Variants in GUCY2F observed in about 807,000 individuals in gnomAD.
GUCY2F encodes guanylate cyclase 2F, retinal, also known as retinal guanylyl cyclase 2.
In GUCY2F, 61 loss-of-function variants were observed where a neutral mutation model predicts 73.1. The observed-to-expected ratio is 0.83, with a 90% CI of 0.68 to 1.03. The LOEUF is 1.03. Among genes scored for constraint, GUCY2F ranks in the 50% least tolerant of loss-of-function variants. GUCY2F has a pLI of 0.00. For missense variants in GUCY2F, 912 were observed against 854.3 expected (o/e 1.07, Z -0.84); for synonymous variants, 331 against 307.8 (o/e 1.08, Z -0.79).
intron 3 of GUCY2F, 23 bp from the exon 4 acceptor site, chrX:109,453,882 T>A (rs778868820): frequency 2.1e-6 from 2 of 947,314 alleles, no homozygotes; most frequent in Non-Finnish European, 2.9e-6. Flanking sequence ...ATTACAATTA[T>A]CTTGAGCCCT....
At position 109,390,563 on chromosome X, in the gene GUCY2F, C is replaced by T. The variant is rs770840310; in HGVS notation, c.2781+1348G>A. Among the ~76,000 whole-genome samples the T allele has an allele frequency of 7.1e-5, 8 of 112,475 alleles. No individual in the cohort carries two copies. The South Asian group carries it at 2.6e-3, about 37-fold the overall frequency. ...AGAACAGCCCATTAACTCCCTACTG[C>T]AACCATTAAGTACCAAAATATCTAA... On this transcript the variant is annotated intron_variant, in intron 14 of 19. Transcript: ENST00000218006.
At chrX:109,386,892 C>T (rs1930449307) in intron 15 of GUCY2F, among the ~76,000 whole-genome samples, 1 of 111,497 alleles carries the variant, frequency 9.0e-6, no homozygotes, top group South Asian at 3.8e-4. Context: ...AAGAGGTATG[C>T]TGAGGGGGGT....
At chrX:109,451,789 GATCT>G (rs1932139622) in intron 5 of GUCY2F, among the ~76,000 whole-genome samples, 1 of 111,376 alleles carries the variant, frequency 9.0e-6, no homozygotes, top group Non-Finnish European at 1.9e-5. Context: ...TTGAGAGCCA[GATCT>G]ATTCACAGGC....
At chrX:109,394,897 C>A (rs989035144) in intron 12 of GUCY2F, among the ~76,000 whole-genome samples, 48 of 112,245 alleles carry the variant, frequency 4.3e-4, no homozygotes, top group Non-Finnish European at 7.3e-4. Context: ...TTTTTCCTGA[C>A]CTTCCAAAAA....
chrX:109,463,433 CTTTTTTTTTT>C (rs755756631), intron 3 of GUCY2F, among the ~76,000 whole-genome samples: 2 of 83,987 alleles, frequency 2.4e-5, no homozygotes, highest in East Asian at 3.5e-4. Context: ...TTTCCTCACT[CTTTTTTTTTT>C]TTTTTTTTTT....
Position 109,409,143 on chromosome X carries a change from A to C in GUCY2F, c.1817T>G (p.Ile606Ser). ...ATAGAAGAAACCCAATAAAGGGTTA[A>C]TATTCTCATGACGCAAGTCCTTCAT... ...EMMKDLRHEN[I>S]NPLLGFFYDS... The change falls in exon 9 of 20, where the codon ATT becomes AGT. Residue 606 changes from isoleucine (I) to serine (S), a missense_variant. By Grantham distance (142) the Ile-to-Ser change is moderately radical. Transcript: ENST00000218006. 8.9e-7 allele frequency: 1 copy of C among 1,124,218 alleles called. No individual in the cohort carries two copies. Among genetic ancestry groups the C allele is most frequent in the Non-Finnish European group, 1.2e-6 (1 of 816,681 alleles). 92.6% of individuals were successfully genotyped at this position (1,124,218 alleles called of 1,213,427 possible). A position where few individuals can be genotyped will look rare whatever the true frequency, so the allele number is the denominator to read the frequency against.
At chrX:109,393,122 G>T in intron 12 of GUCY2F, 67 bp from the exon 13 acceptor site, 1 of 595,290 alleles carries the variant, frequency 1.7e-6, no homozygotes. Flanking sequence ...GATGGAGCAG[G>T]TCCCCTTATC....
intron 3 of GUCY2F, among the ~76,000 whole-genome samples, chrX:109,456,732 G>A (rs1932267730): frequency 8.9e-6 from 1 of 111,743 alleles, no homozygotes; most frequent in Non-Finnish European, 1.9e-5. Context: ...AAGAGGGGCT[G>A]TCACGATGGT....
At chrX:109,398,732 A>G in intron 10 of GUCY2F, 34 bp from the exon 11 acceptor site, 2 of 1,169,272 alleles carry the variant, frequency 1.7e-6, no homozygotes, top group Non-Finnish European at 2.3e-6. Context: ...GAATGCAGGG[A>G]GGATTAACTG....
chrX:109,408,253 G>A (rs1350145430), intron 9 of GUCY2F, among the ~76,000 whole-genome samples: 1 of 112,130 alleles, frequency 8.9e-6, no homozygotes, highest in Non-Finnish European at 1.9e-5. Flanking sequence ...GGACTTGCAT[G>A]GGCCCTGTAA....
intron 8 of GUCY2F, among the ~76,000 whole-genome samples, chrX:109,417,235 C>A (rs992695369): frequency 7.2e-5 from 8 of 110,943 alleles, no homozygotes; most frequent in Non-Finnish European, 1.3e-4. Flanking sequence ...TTATTTCATT[C>A]TCTTAATTTG....
intron 8 of GUCY2F, among the ~76,000 whole-genome samples, chrX:109,418,007 TA>T (rs780970567): frequency 9.0e-6 from 1 of 111,274 alleles, no homozygotes; most frequent in African/African-American, 3.3e-5. Flanking sequence ...ATATTTTGCA[TA>T]TTTCTTACCA....
At chrX:109,459,065 C>T (rs1477161985) in intron 3 of GUCY2F, among the ~76,000 whole-genome samples, 2 of 111,418 alleles carry the variant, frequency 1.8e-5, no homozygotes, top group African/African-American at 6.5e-5. Context: ...TTTCCATAGA[C>T]TTCCTGATTA....
At chrX:109,444,794 T>C (rs1320777540) in intron 6 of GUCY2F, among the ~76,000 whole-genome samples, 6 of 112,057 alleles carry the variant, frequency 5.4e-5, no homozygotes, top group African/African-American at 1.9e-4. Flanking sequence ...ATTGTCATGA[T>C]GAGATCCAAG....
At chrX:109,442,847 A>G (rs778761917) in intron 6 of GUCY2F, among the ~76,000 whole-genome samples, 13 of 111,627 alleles carry the variant, frequency 1.2e-4, no homozygotes, top group Non-Finnish European at 2.3e-4. Context: ...CTTTATTTTC[A>G]TATCTCAGCA....
chrX:109,467,569 T>C (rs1219037744), intron 2 of GUCY2F, among the ~76,000 whole-genome samples: 1 of 112,779 alleles, frequency 8.9e-6, no homozygotes, highest in Non-Finnish European at 1.9e-5. Context: ...ACGTAGTAGG[T>C]GCTATGGTGA....
At chrX:109,449,765 ATCAT>A (rs1044549083) in intron 5 of GUCY2F, among the ~76,000 whole-genome samples, 20 of 111,990 alleles carry the variant, frequency 1.8e-4, no homozygotes, top group African/African-American at 6.5e-4. Context: ...GATCGTTATT[ATCAT>A]TATCATCATT....
At chrX:109,467,000 C>A (rs1932480739) in intron 2 of GUCY2F, among the ~76,000 whole-genome samples, 1 of 111,934 alleles carries the variant, frequency 8.9e-6, no homozygotes, top group African/African-American at 3.2e-5. Context: ...TTTCAAATGA[C>A]CATTAACTCC....
chrX:109,449,971 C>A (rs1351298062), intron 5 of GUCY2F, among the ~76,000 whole-genome samples: 1 of 110,971 alleles, frequency 9.0e-6, no homozygotes, highest in Non-Finnish European at 1.9e-5. Flanking sequence ...TACTCTCCTG[C>A]AAGTAATCAC....
Sources: gnomAD v4.1 joint callset for allele counts (sites outside exome capture counted in the v4.1 genomes callset) on GRCh38, gnomAD v4.1.1 for gene constraint, MANE v1.5 for transcripts, NCBI Gene and HGNC (gene_info 2026-07-23, HGNC 2026-07-21) for gene names.